SCARB2: variants seen among roughly 807,000 people sequenced by gnomAD.
SCARB2 encodes lysosome membrane protein 2.
In SCARB2, 29 loss-of-function variants were observed where a neutral mutation model predicts 58.6. The ratio of observed to expected loss-of-function variants is 0.49; its 90% CI spans 0.37 to 0.67. The LOEUF (loss-of-function observed/expected upper bound fraction) is 0.67. Ranked by LOEUF, SCARB2 falls within the 30% of genes least tolerant of loss-of-function variation. SCARB2 has a pLI of 0.00. For synonymous variants in SCARB2, 195 were observed against 210.1 expected, an observed-to-expected ratio of 0.93 and a Z score of 0.62; for missense variants, 488 against 578.5, an observed-to-expected ratio of 0.84 and a Z score of 1.60.
chr4:76,175,883 C>T lies in SCARB2; in HGVS notation c.732G>A (p.Lys244=). 1 of 1,613,926 alleles carries T rather than the reference C, an allele frequency of 6.2e-7. No individual in the cohort carries two copies. The highest frequency in any genetic ancestry group is 8.5e-7 in the Non-Finnish European group (1 of 1,179,956). ...KTSLDWWITD[K]CNMINGTDGD... is the part of the protein sequence containing the mutation. ...CATCTGTTCCATTAATCATATTGCACTTGTCTGTTATCCACCAGTCAAGTG... is the reference window on the plus strand; with the variant it reads ...CATCTGTTCCATTAATCATATTGCATTTGTCTGTTATCCACCAGTCAAGTG... Residue 244 remains lysine (K), a synonymous_variant, in exon 6 of 12, where the codon AAG becomes AAA. Coordinates refer to ENST00000264896, the MANE Select transcript of SCARB2 (RefSeq NM_005506.4).
At chr4:76,182,004 T>C (rs975993368) in intron 2 of SCARB2, among the ~76,000 whole-genome samples, 6 of 152,140 alleles carry the variant, frequency 3.9e-5, no homozygotes, top group African/African-American at 1.4e-4. Flanking sequence ...AAACAAGTAG[T>C]AATCAAGATA....
intron 9 of SCARB2, among the ~76,000 whole-genome samples, chr4:76,168,001 A>C (rs1231361859): frequency 2.0e-5 from 3 of 152,148 alleles, no homozygotes; most frequent in Non-Finnish European, 4.4e-5. Context: ...ATAGCAACAC[A>C]AGAACAGTCT....
At chr4:76,230,825 C>G (rs1333884353) in intron 1 of SCARB2, among the ~76,000 whole-genome samples, 1 of 152,140 alleles carries the variant, frequency 6.6e-6, no homozygotes. Context: ...TTGTCAGTAG[C>G]CTTGAATTCC....
chr4:76,203,226 C>T (rs921768506), intron 1 of SCARB2, among the ~76,000 whole-genome samples: 6 of 152,134 alleles, frequency 3.9e-5, no homozygotes, highest in Admixed American at 6.6e-5. Context: ...CCACCTACCT[C>T]GGCCTCCCAA....
At position 76,167,684 on chromosome 4, in the gene SCARB2, CTT is replaced by C. The variant is rs60843260; in HGVS notation, c.1187+717_1187+718del. On this transcript the variant is annotated intron_variant, in intron 9 of 11. Coordinates refer to ENST00000264896, the MANE Select transcript of SCARB2 (RefSeq NM_005506.4). The stretch of plus-strand genomic sequence containing the variant: ...TTCCCTCCCTCCCTCCCCCCCCCCG[CTT>C]TTTTTTTTTTTCCTGAGACACAGTC... Among the ~76,000 whole-genome samples, 168 of 91,312 alleles carry C rather than the reference CTT, an allele frequency of 1.8e-3. 3 individuals are homozygous for C. The highest frequency in any genetic ancestry group is 8.1e-3 in the African/African-American group (161 of 19,984). The allele number at this position is 91,312 out of a possible 152,430, so 59.9% of individuals were successfully genotyped here. A position where few individuals can be genotyped will look rare whatever the true frequency, so the allele number is the denominator to read the frequency against.
At chr4:76,189,610 T>C (rs1732560995) in intron 2 of SCARB2, among the ~76,000 whole-genome samples, 1 of 151,918 alleles carries the variant, frequency 6.6e-6, no homozygotes, top group Admixed American at 6.6e-5. Context: ...AGCCGGTGTG[T>C]GCCACCACAC....
rs1263224565 is a variant in SCARB2 at position 76,159,469 on chromosome 4, A to T, written c.*2244T>A. On this transcript the variant is annotated 3_prime_UTR_variant, in exon 12 of 12. Transcript: ENST00000264896. ...CCAGGCCCGGTGGCTTACGCCTGTA[A>T]TCCCAGCACTTTGGGAGGCTGAGGT... 2 of 152,280 alleles carry T rather than the reference A, an allele frequency of 1.3e-5. No homozygotes were observed. The highest frequency in any genetic ancestry group is 1.9e-4 in the East Asian group (1 of 5,202). 9.4% of individuals were successfully genotyped at this position (152,280 alleles called of 1,614,324 possible). A position where few individuals can be genotyped will look rare whatever the true frequency, so the allele number is the denominator to read the frequency against.
At chr4:76,188,978 G>A (rs925466269) in intron 2 of SCARB2, among the ~76,000 whole-genome samples, 1 of 152,148 alleles carries the variant, frequency 6.6e-6, no homozygotes, top group Non-Finnish European at 1.5e-5. Context: ...AAGTCCTATG[G>A]TTCCGGCTAT....
At chr4:76,164,403 C>T (rs1167632760) in intron 10 of SCARB2, 1 of 152,004 alleles carries the variant, frequency 6.6e-6, no homozygotes, top group Non-Finnish European at 1.5e-5. Context: ...AATCCCAGCA[C>T]TTTGGGAGGC....
At chr4:76,203,945 A>G (rs1053565387) in intron 1 of SCARB2, among the ~76,000 whole-genome samples, 2 of 152,262 alleles carry the variant, frequency 1.3e-5, no homozygotes, top group African/African-American at 4.8e-5. Flanking sequence ...ATTCGAGAGC[A>G]CTACTGGTTG....
chr4:76,185,920 C>T (rs1732476915), intron 2 of SCARB2, among the ~76,000 whole-genome samples: 1 of 152,184 alleles, frequency 6.6e-6, no homozygotes, highest in Non-Finnish European at 1.5e-5. Flanking sequence ...ATAACGTACT[C>T]ACCTTGTAGG....
chr4:76,174,361 A>T (rs200306963), intron 6 of SCARB2, 48 bp from the exon 7 acceptor site: 2 of 1,584,452 alleles, frequency 1.3e-6, no homozygotes, highest in East Asian at 4.5e-5. Context: ...TGGTCAGTGT[A>T]ATCTGCCCGA....
chr4:76,227,857 C>A (rs1410129653), intron 1 of SCARB2, among the ~76,000 whole-genome samples: 3 of 152,106 alleles, frequency 2.0e-5, no homozygotes, highest in Non-Finnish European at 4.4e-5. Flanking sequence ...TTCCTGCTTG[C>A]TTTTGGTGTT....
chr4:76,197,406 C>CAGGT lies in SCARB2; in HGVS notation c.118-1546_118-1543dup, dbSNP rs201572964. Among the ~76,000 whole-genome samples, 1,408 of 152,340 alleles carry CAGGT rather than the reference C, an allele frequency of 9.2e-3. 8 individuals are homozygous for CAGGT. The highest frequency in any genetic ancestry group is 0.015 in the Non-Finnish European group (1,012 of 68,030). ...CCTTGGAAAAGAGAAGAGCAGGCCACAGGTAGCTGCTGATCCTTCAGCCTA... is the reference window on the plus strand; with the variant it reads ...CCTTGGAAAAGAGAAGAGCAGGCCACAGGTAGGTAGCTGCTGATCCTTCAGCCTA... On this transcript the variant is annotated intron_variant, in intron 1 of 11. Coordinates refer to ENST00000264896, the MANE Select transcript of SCARB2 (RefSeq NM_005506.4).
chr4:76,195,528 GC>G lies in SCARB2; in HGVS notation c.275+178del. On this transcript the variant is annotated intron_variant, in intron 2 of 11. Transcript: ENST00000264896. ...GCTGAGACTTGGCCCAGTCTACAAA[GC>G]CATTCTCTGCTGAGGTTTCACACAC... 4 of 613,352 alleles carry G rather than the reference GC, an allele frequency of 6.5e-6. No homozygotes were observed. In the South Asian group the frequency reaches 7.7e-5, roughly 12 times the overall value. The allele number at this position is 613,352 out of a possible 1,614,324, so 38.0% of individuals were successfully genotyped here. A position where few individuals can be genotyped will look rare whatever the true frequency, so the allele number is the denominator to read the frequency against.
In SCARB2 at chr4:76,174,296, A is replaced by T. The variant is rs746218033; in HGVS notation, c.842T>A (p.Phe281Tyr). The T allele has an allele frequency of 6.2e-7, 1 of 1,614,176 alleles. No homozygotes were observed. The highest frequency in any genetic ancestry group is 1.3e-5 in the African/African-American group (1 of 75,054). Reference sequence around the variant, plus strand: ...TCCCTGTACACTCTCATAGTCACTGAAAGTAATATACACTGACCTGTTAGG... The same window carrying T: ...TCCCTGTACACTCTCATAGTCACTGTAAGTAATATACACTGACCTGTTAGG... ...SDFCRSVYIT[F>Y]SDYESVQGLP... The change falls in exon 7 of 12, where the codon TTC (phenylalanine) becomes TAC (tyrosine). Residue 281 changes from phenylalanine to tyrosine, a missense_variant. By Grantham distance (22) the Phe-to-Tyr change is conservative. Coordinates refer to ENST00000264896, the MANE Select transcript of SCARB2 (RefSeq NM_005506.4).
At chr4:76,167,880 C>T (rs376540416) in intron 9 of SCARB2, among the ~76,000 whole-genome samples, 1 of 152,098 alleles carries the variant, frequency 6.6e-6, no homozygotes, top group African/African-American at 2.4e-5. Context: ...CGAGGTTTCA[C>T]CATGTTGGCC....
rs368869126 is a variant in SCARB2, at chr4:76,179,709, C to T, written c.424-4G>A. The T allele has an allele frequency of 1.1e-4, 184 of 1,611,702 alleles. No individual in the cohort carries two copies. The African/African-American group carries it at 2.0e-3, about 17-fold the overall frequency. On this transcript the variant is annotated splice_region_variant and splice_polypyrimidine_tract_variant and intron_variant, in intron 3 of 11. Transcript: ENST00000264896. ...CCTGGGACCACTCTATGACAGTCTG[C>T]GGAGCAGAGGTATATTAAGACAGCA...
chr4:76,224,582 G>C (rs1225902039), intron 1 of SCARB2, among the ~76,000 whole-genome samples: 1 of 151,932 alleles, frequency 6.6e-6, no homozygotes, highest in African/African-American at 2.4e-5. Context: ...TTATTTTATT[G>C]AGACAGGATC....
Sources: gnomAD v4.1 joint callset for allele counts (sites outside exome capture counted in the v4.1 genomes callset) on GRCh38, gnomAD v4.1.1 for gene constraint, MANE v1.5 for transcripts, NCBI Gene and HGNC (gene_info 2026-07-23, HGNC 2026-07-21) for gene names.